CTNNA1: variants seen among roughly 807,000 people sequenced by gnomAD.
CTNNA1 encodes the protein catenin alpha 1.
CTNNA1 carries 37 observed loss-of-function variants against 98.4 expected under a neutral mutation model. That is an observed-to-expected ratio of 0.38 (90% CI 0.29 to 0.49). CTNNA1 has a LOEUF of 0.49. Ranked by LOEUF, CTNNA1 falls within the 20% of genes least tolerant of loss-of-function variation. The pLI is 0.95. For synonymous variants in CTNNA1, 404 were observed against 413.2 expected, an observed-to-expected ratio of 0.98 and a Z score of 0.27; for missense variants, 761 against 1,147.2, an observed-to-expected ratio of 0.66 and a Z score of 4.86.
chr5:138,867,812 G>A (rs1428895097), intron 7 of CTNNA1, among the ~76,000 whole-genome samples: 1 of 151,056 alleles, frequency 6.6e-6, no homozygotes, highest in Non-Finnish European at 1.5e-5. Context: ...GAGTGCAGTG[G>A]CATGATCTCA....
Position 138,924,673 on chromosome 5 carries a change from G to A in CTNNA1, c.1710G>A (p.Glu570=), listed in dbSNP as rs1277311203. The part of the protein sequence containing the change: ...MDNYEPGVYT[E]KVLEATKLLS... Reference sequence around the variant, plus strand: ...ACTATGAGCCAGGAGTCTACACAGAGAAGGTTCTGGAAGCCACTAAGCTGC... The same window carrying A: ...ACTATGAGCCAGGAGTCTACACAGAAAAGGTTCTGGAAGCCACTAAGCTGC... The change falls in exon 12 of 18, where the codon GAG becomes GAA. Residue 570 remains glutamate, a synonymous_variant. Transcript: ENST00000302763. 28 of 1,594,510 alleles carry A rather than the reference G, an allele frequency of 1.8e-5. No homozygotes were observed. The highest frequency in any genetic ancestry group is 2.2e-5 in the Non-Finnish European group (26 of 1,170,414).
chr5:138,836,473 T>A (rs1303380640), intron 7 of CTNNA1, among the ~76,000 whole-genome samples: 1 of 152,248 alleles, frequency 6.6e-6, no homozygotes, highest in East Asian at 1.9e-4. Flanking sequence ...CCAGTTATAT[T>A]TGTGTTGCTT....
intron 7 of CTNNA1, among the ~76,000 whole-genome samples, chr5:138,838,362 G>A (rs1761985378): frequency 6.6e-6 from 1 of 152,216 alleles, no homozygotes; most frequent in Non-Finnish European, 1.5e-5. Flanking sequence ...GCATGGAGAT[G>A]TTTGTTGTAA....
At chr5:138,846,390 G>T (rs1444257272) in intron 7 of CTNNA1, among the ~76,000 whole-genome samples, 1 of 152,144 alleles carries the variant, frequency 6.6e-6, no homozygotes, top group East Asian at 1.9e-4. Context: ...ACCTATATCA[G>T]TATATAATCT....
intron 6 of CTNNA1, among the ~76,000 whole-genome samples, chr5:138,825,482 G>GTTTTGTTTTTTTTTTTTTTTTTTTTT (rs1760581190): frequency 2.7e-5 from 2 of 74,114 alleles, no homozygotes; most frequent in African/African-American, 1.2e-4. Context: ...AGCAGTATAA[G>GTTTTGTTTTTTTTTTTTTTTTTTTTT]TTTTTTTTTT....
intron 11 of CTNNA1, among the ~76,000 whole-genome samples, chr5:138,919,375 C>A (rs764261990): frequency 1.6e-4 from 24 of 152,166 alleles, no homozygotes; most frequent in Non-Finnish European, 3.4e-4. Context: ...GGGTATGTCT[C>A]AGGCTTGGTC....
At chr5:138,931,348 G>T (rs930621517) in intron 16 of CTNNA1, among the ~76,000 whole-genome samples, 1 of 152,106 alleles carries the variant, frequency 6.6e-6, no homozygotes, top group African/African-American at 2.4e-5. Flanking sequence ...ACAAAAATAC[G>T]GTTCCTACCG....
At chr5:138,932,889 A>AT (rs1765683932) in intron 17 of CTNNA1, 177 bp downstream of exon 17, 2 of 855,780 alleles carry the variant, frequency 2.3e-6, no homozygotes, top group South Asian at 2.6e-5. Context: ...TCCCTGTAGA[A>AT]CTGTGACACC....
Position 138,910,244 on chromosome 5 carries a change from T to C in CTNNA1, c.1389+5803T>C, listed in dbSNP as rs1159838373. Among the ~76,000 whole-genome samples the C allele has an allele frequency of 5.5e-5, 8 of 146,128 alleles. 1 individual carries two copies. In the South Asian group the frequency reaches 1.3e-3, roughly 24 times the overall value. Reference sequence around the variant, plus strand: ...TACTTTTCTTTTTTTTTTTTTTTTTTTTTTTTTTTGGAAAAATCTGTGTAT... The same window carrying C: ...TACTTTTCTTTTTTTTTTTTTTTTTCTTTTTTTTTGGAAAAATCTGTGTAT... On this transcript the variant is annotated intron_variant, in intron 10 of 17. Transcript: ENST00000302763.
intron 10 of CTNNA1, among the ~76,000 whole-genome samples, chr5:138,911,801 C>T (rs1022288536): frequency 4.6e-5 from 7 of 152,112 alleles, no homozygotes; most frequent in African/African-American, 1.4e-4. Flanking sequence ...TGTACTAATC[C>T]AGGCAAGAGT....
Position 138,913,172 on chromosome 5 carries a change from G to A in CTNNA1, c.1390-4570G>A, listed in dbSNP as rs148233384. On this transcript the variant is annotated intron_variant, in intron 10 of 17. Transcript: ENST00000302763. Reference sequence around the variant, plus strand: ...TACAGATTTAACCTTTACATATTTCGTTTGAAATGCTTTGTGAGAGATCTG... The same window carrying A: ...TACAGATTTAACCTTTACATATTTCATTTGAAATGCTTTGTGAGAGATCTG... 2.0e-4 allele frequency among the ~76,000 whole-genome samples: 30 copies of A among 150,878 alleles called. No individual in the cohort carries two copies. The East Asian group carries it at 5.1e-3, about 25-fold the overall frequency.
chr5:138,833,056 GTC>G (rs1761430929), intron 7 of CTNNA1, among the ~76,000 whole-genome samples: 1 of 152,086 alleles, frequency 6.6e-6, no homozygotes, highest in African/African-American at 2.4e-5. Flanking sequence ...AACTAAACTT[GTC>G]TCTGTTACCA....
At chr5:138,844,163 T>A (rs1266531006) in intron 7 of CTNNA1, among the ~76,000 whole-genome samples, 1 of 152,162 alleles carries the variant, frequency 6.6e-6, no homozygotes, top group Non-Finnish European at 1.5e-5. Flanking sequence ...ATTTTTAAAA[T>A]TTTAAAAATA....
intron 3 of CTNNA1, among the ~76,000 whole-genome samples, chr5:138,784,754 T>C (rs936028111): frequency 4.6e-5 from 7 of 152,204 alleles, no homozygotes; most frequent in African/African-American, 1.7e-4. Context: ...TGGATGCCTC[T>C]TTCCTAGCTT....
chr5:138,828,024 A>G (rs1760895657), intron 7 of CTNNA1: 6 of 267,970 alleles, frequency 2.2e-5, no homozygotes, highest in African/African-American at 4.5e-5. Flanking sequence ...ATATGTATGT[A>G]TGGTATATAC....
chr5:138,853,318 G>A (rs1483676359), intron 7 of CTNNA1, among the ~76,000 whole-genome samples: 2 of 152,138 alleles, frequency 1.3e-5, no homozygotes, highest in East Asian at 1.9e-4. Context: ...GTACTTGTAA[G>A]TCATTGGATT....
intron 9 of CTNNA1, among the ~76,000 whole-genome samples, chr5:138,903,106 AC>A (rs1758433550): frequency 6.6e-6 from 1 of 152,120 alleles, no homozygotes; most frequent in African/African-American, 2.4e-5. Flanking sequence ...GGACTCATAA[AC>A]ATCAGAGATC....
At chr5:138,777,311 A>C in intron 1 of CTNNA1, among the ~76,000 whole-genome samples, 1 of 151,666 alleles carries the variant, frequency 6.6e-6, no homozygotes, top group African/African-American at 2.4e-5. Context: ...GCGGCCGGGA[A>C]GAGGCGCTCC....
intron 9 of CTNNA1, among the ~76,000 whole-genome samples, chr5:138,893,265 C>T (rs533313990): frequency 6.6e-6 from 1 of 152,132 alleles, no homozygotes; most frequent in Non-Finnish European, 1.5e-5. Context: ...TGCCTTCAGC[C>T]TTTTGGGCAG....
Sources: gnomAD v4.1 joint callset for allele counts (sites outside exome capture counted in the v4.1 genomes callset) on GRCh38, gnomAD v4.1.1 for gene constraint, MANE v1.5 for transcripts, NCBI Gene and HGNC (gene_info 2026-07-23, HGNC 2026-07-21) for gene names.